CLNK: variants seen among roughly 807,000 people sequenced by gnomAD.
The protein encoded by CLNK is cytokine-dependent hematopoietic cell linker.
In CLNK, 74 loss-of-function variants were observed where a neutral mutation model predicts 68.6. The ratio of observed to expected loss-of-function variants is 1.08; its 90% confidence interval spans 0.89 to 1.31. The LOEUF is 1.31. Ranked by LOEUF, CLNK falls within the 50% of genes most tolerant of loss-of-function variation. The pLI is 0.00. For synonymous variants in CLNK, 198 were observed against 172.2 expected, an observed-to-expected ratio of 1.15 and a Z score of -1.17; for missense variants, 553 against 515.3, an observed-to-expected ratio of 1.07 and a Z score of -0.71.
At chr4:10,560,362 G>A (rs1320716848) in intron 7 of CLNK, among the ~76,000 whole-genome samples, 1 of 152,172 alleles carries the variant, frequency 6.6e-6, no homozygotes, top group Non-Finnish European at 1.5e-5. Context: ...ACCCACCTAA[G>A]GGGTCTAGAC....
intron 11 of CLNK, among the ~76,000 whole-genome samples, chr4:10,540,138 G>A (rs555201248): frequency 6.6e-6 from 1 of 152,260 alleles, no homozygotes; most frequent in South Asian, 2.1e-4. Context: ...TTTCCCCTAT[G>A]CTGTTCCCAT....
At chr4:10,711,510 T>A in the CLNK span, among the ~76,000 whole-genome samples, 1 of 152,198 alleles carries the variant, frequency 6.6e-6, no homozygotes, top group Non-Finnish European at 1.5e-5. Flanking sequence ...AAACACATAG[T>A]GTTTATGTTT....
chr4:10,553,918 C>T (rs778532259), intron 8 of CLNK, among the ~76,000 whole-genome samples: 14 of 152,276 alleles, frequency 9.2e-5, no homozygotes, highest in Middle Eastern at 6.8e-3. Context: ...AAGTAAAGAG[C>T]TGGGGCTGCT....
chr4:10,559,119 A>C (rs927345241), intron 7 of CLNK, among the ~76,000 whole-genome samples: 1 of 152,236 alleles, frequency 6.6e-6, no homozygotes, highest in African/African-American at 2.4e-5. Flanking sequence ...ATTAAGGGGT[A>C]CACAACTGGA....
intron 11 of CLNK, among the ~76,000 whole-genome samples, chr4:10,534,360 A>G (rs530149469): frequency 6.6e-6 from 1 of 152,182 alleles, no homozygotes; most frequent in Non-Finnish European, 1.5e-5. Flanking sequence ...ATGGTCATTA[A>G]TTTTTTTCAC....
At chr4:10,657,863 A>G (rs1437741428) in intron 2 of CLNK, among the ~76,000 whole-genome samples, 1 of 152,164 alleles carries the variant, frequency 6.6e-6, no homozygotes, top group South Asian at 2.1e-4. Context: ...TCCACCATCT[A>G]TCCTAAGTAG....
chr4:10,600,631 C>T (rs1419736783), intron 2 of CLNK, among the ~76,000 whole-genome samples: 10 of 152,198 alleles, frequency 6.6e-5, no homozygotes, highest in Non-Finnish European at 1.3e-4. Context: ...GGCTAACTGA[C>T]CCTGCCTGCT....
chr4:10,670,238 G>A (rs1352461590), intron 1 of CLNK, among the ~76,000 whole-genome samples: 1 of 152,082 alleles, frequency 6.6e-6, no homozygotes, highest in Admixed American at 6.6e-5. Context: ...GTTATATTTG[G>A]GTATGTGGGG....
intron 10 of CLNK, among the ~76,000 whole-genome samples, chr4:10,541,230 A>C (rs1409672761): frequency 1.3e-5 from 2 of 151,780 alleles, no homozygotes; most frequent in Non-Finnish European, 2.9e-5. Context: ...AACAAAAAAA[A>C]AAAAACCCAA....
rs1296109015 is a variant in CLNK at position 10,668,228 on chromosome 4, G to GC, written c.-42-318dup. Reference sequence around the variant, plus strand: ...TCCCCTGGGCACCGAGGGCACGTTAGCCAGGCTTGGCTGGCTCTCCTCTGA... The same window carrying GC: ...TCCCCTGGGCACCGAGGGCACGTTAGCCCAGGCTTGGCTGGCTCTCCTCTGA... On this transcript the variant is annotated intron_variant, in intron 1 of 18. Transcript: ENST00000226951. Among the ~76,000 whole-genome samples the GC allele has an allele frequency of 2.0e-5, 3 of 152,168 alleles. No individual in the cohort carries two copies. In the East Asian group the frequency reaches 5.8e-4, roughly 29 times the overall value.
At position 10,488,580 on chromosome 4, in the gene CLNK, C is replaced by A. The variant is rs1716440013; in HGVS notation, c.*1887G>T. The A allele has an allele frequency of 6.6e-6, 1 of 152,224 alleles. No homozygotes were observed. The highest frequency in any genetic ancestry group is 2.4e-5 in the African/African-American group (1 of 41,450). 9.4% of individuals were successfully genotyped at this position (152,224 alleles called of 1,614,324 possible). On this transcript the variant is annotated 3_prime_UTR_variant, in exon 19 of 19. Coordinates refer to ENST00000226951, the MANE Select transcript of CLNK (RefSeq NM_052964.4). ...ATTTAAACACTCTTGTCTCTTGGTT[C>A]TATGTAATCCTCTGCAGGCATACTC...
At chr4:10,515,516 T>A (rs1717801039) in intron 15 of CLNK, among the ~76,000 whole-genome samples, 1 of 152,104 alleles carries the variant, frequency 6.6e-6, no homozygotes, top group African/African-American at 2.4e-5. Context: ...ACCCAAAGAA[T>A]GACTGACAAA....
chr4:10,609,055 CACAA>C (rs1721902930), intron 2 of CLNK, among the ~76,000 whole-genome samples: 1 of 152,208 alleles, frequency 6.6e-6, no homozygotes, highest in African/African-American at 2.4e-5. Flanking sequence ...ACTTAAAGGA[CACAA>C]ACATTCAGTT....
At chr4:10,519,723 T>C (rs1717981549) in intron 15 of CLNK, among the ~76,000 whole-genome samples, 1 of 152,084 alleles carries the variant, frequency 6.6e-6, no homozygotes, top group Non-Finnish European at 1.5e-5. Context: ...CCCATAGGCC[T>C]ACTGAGGCCA....
chr4:10,690,390 G>T, the CLNK span, among the ~76,000 whole-genome samples: 1 of 152,078 alleles, frequency 6.6e-6, no homozygotes, highest in Non-Finnish European at 1.5e-5. Flanking sequence ...TCCTAGCCTC[G>T]TTTTGTTGCA....
In CLNK at chr4:10,614,846, T is replaced by C. The variant is rs150249336; in HGVS notation, c.12-16797A>G. Reference sequence around the variant, plus strand: ...CCCACTCTCCTAATCACAGAGGTCATCTGGTTGCTATCAGTTCTGGGTGCA... The same window carrying C: ...CCCACTCTCCTAATCACAGAGGTCACCTGGTTGCTATCAGTTCTGGGTGCA... On this transcript the variant is annotated intron_variant, in intron 2 of 18. Coordinates refer to ENST00000226951, the MANE Select transcript of CLNK (RefSeq NM_052964.4). Among the ~76,000 whole-genome samples, 371 of 152,356 alleles carry C rather than the reference T, an allele frequency of 2.4e-3. 9 individuals carry two copies. The highest frequency in any genetic ancestry group is 6.0e-3 in the East Asian group (31 of 5,178).
the CLNK span, among the ~76,000 whole-genome samples, chr4:10,715,427 G>A: frequency 6.6e-6 from 1 of 152,160 alleles, no homozygotes; most frequent in African/African-American, 2.4e-5. Flanking sequence ...TCCAGCCCCA[G>A]TTCTCTTATT....
At chr4:10,661,175 T>C (rs1457530293) in intron 2 of CLNK, among the ~76,000 whole-genome samples, 2 of 152,164 alleles carry the variant, frequency 1.3e-5, no homozygotes, top group African/African-American at 2.4e-5. Flanking sequence ...ACACATGTCA[T>C]GAAGGAAAAT....
At chr4:10,604,299 G>C (rs555623700) in intron 2 of CLNK, among the ~76,000 whole-genome samples, 1 of 152,312 alleles carries the variant, frequency 6.6e-6, no homozygotes, top group Non-Finnish European at 1.5e-5. Flanking sequence ...ATTACAAAGA[G>C]GCAAAGCTGC....
Sources: gnomAD v4.1 joint callset for allele counts (sites outside exome capture counted in the v4.1 genomes callset) on GRCh38, gnomAD v4.1.1 for gene constraint, MANE v1.5 for transcripts, NCBI Gene and HGNC (gene_info 2026-07-23, HGNC 2026-07-21) for gene names.